The following RORB variants were observed in gnomAD, a reference collection of about 807,000 sequenced individuals.
RORB encodes nuclear receptor ROR-beta.
A neutral mutation model predicts 59.1 loss-of-function variants in RORB; 6 were observed. The observed-to-expected ratio is 0.10, with a 90% CI of 0.06 to 0.20. The LOEUF is 0.20. Among genes scored for constraint, RORB ranks in the 10% least tolerant of loss-of-function variants. The probability of loss-of-function intolerance (pLI) is 1.00; values close to 1 mark genes in which losing one functional copy is unlikely to be tolerated. For synonymous variants in RORB, 215 were observed against 204.5 expected (o/e 1.05, Z -0.44); for missense variants, 320 against 560.5 (o/e 0.57, Z 4.33).
chr9:74,681,469 C>T (rs1244380440), intron 9 of RORB, among the ~76,000 whole-genome samples: 1 of 152,142 alleles, frequency 6.6e-6, no homozygotes, highest in Non-Finnish European at 1.5e-5. Flanking sequence ...AGAGCATGGA[C>T]GCTGGGAGAG....
At chr9:74,654,404 T>TA (rs1356255475) in intron 4 of RORB, among the ~76,000 whole-genome samples, 7 of 151,442 alleles carry the variant, frequency 4.6e-5, no homozygotes, top group Non-Finnish European at 1.5e-5. Context: ...TAGGATTATT[T>TA]AGATACAGTC....
At chr9:74,610,911 G>A (rs1006322436) in intron 1 of RORB, among the ~76,000 whole-genome samples, 2 of 152,150 alleles carry the variant, frequency 1.3e-5, no homozygotes, top group African/African-American at 2.4e-5. Flanking sequence ...CAGTGATGCC[G>A]CTGACTTTGC....
At chr9:74,533,106 C>T (rs1052309645) in intron 1 of RORB, among the ~76,000 whole-genome samples, 7 of 151,846 alleles carry the variant, frequency 4.6e-5, no homozygotes, top group African/African-American at 1.7e-4. Context: ...ACTCATTACA[C>T]CACCTGCTTG....
chr9:74,682,554 C>T (rs192146118), intron 9 of RORB, among the ~76,000 whole-genome samples: 5 of 152,148 alleles, frequency 3.3e-5, no homozygotes, highest in Admixed American at 3.3e-4. Context: ...TGTTCTTTAT[C>T]AATAGACTAA....
chr9:74,665,097 C>T (rs1824244810), intron 6 of RORB, among the ~76,000 whole-genome samples: 1 of 152,092 alleles, frequency 6.6e-6, no homozygotes, highest in South Asian at 2.1e-4. Flanking sequence ...TCAAAACTAG[C>T]TTTAATATTA....
At chr9:74,588,679 C>T (rs1587372502) in intron 1 of RORB, among the ~76,000 whole-genome samples, 1 of 152,128 alleles carries the variant, frequency 6.6e-6, no homozygotes, top group Non-Finnish European at 1.5e-5. Context: ...ATTTCTCATT[C>T]TTTTTGGGCC....
chr9:74,644,139 G>C (rs1160940169), intron 4 of RORB, among the ~76,000 whole-genome samples: 1 of 152,138 alleles, frequency 6.6e-6, no homozygotes, highest in African/African-American at 2.4e-5. Flanking sequence ...GAAATACATG[G>C]CCATATTCTT....
At chr9:74,636,068 T>C (rs1354191607) in intron 3 of RORB, among the ~76,000 whole-genome samples, 1 of 152,088 alleles carries the variant, frequency 6.6e-6, no homozygotes, top group Non-Finnish European at 1.5e-5. Flanking sequence ...TTTTTTTTGT[T>C]TTACTTGTTT....
chr9:74,581,967 T>G (rs901262576), intron 1 of RORB, among the ~76,000 whole-genome samples: 2 of 152,200 alleles, frequency 1.3e-5, no homozygotes, highest in African/African-American at 4.8e-5. Flanking sequence ...TCTATACTCA[T>G]GAAGTGAAAT....
chr9:74,676,376 C>T (rs548135636), intron 9 of RORB, among the ~76,000 whole-genome samples: 49 of 152,190 alleles, frequency 3.2e-4, no homozygotes, highest in Non-Finnish European at 6.8e-4. Flanking sequence ...TCTATAACAA[C>T]ACATATATCC....
At chr9:74,586,600 C>CGT (rs1313500289) in intron 1 of RORB, among the ~76,000 whole-genome samples, 2,796 of 141,198 alleles carry the variant, frequency 0.02, 38 homozygotes, top group African/African-American at 0.036. Flanking sequence ...ATGTAATGTC[C>CGT]GTGTGTGTGT....
chr9:74,594,059 C>T (rs1822938620), intron 1 of RORB, among the ~76,000 whole-genome samples: 1 of 152,176 alleles, frequency 6.6e-6, no homozygotes, highest in Non-Finnish European at 1.5e-5. Context: ...CTTGAAATAG[C>T]AACCACAGTA....
At chr9:74,663,586 C>G (rs1314077023) in intron 6 of RORB, among the ~76,000 whole-genome samples, 1 of 152,212 alleles carries the variant, frequency 6.6e-6, no homozygotes, top group African/African-American at 2.4e-5. Flanking sequence ...ACTAAAACAA[C>G]AAGAATTATT....
chr9:74,531,730 A>C (rs1383138150), intron 1 of RORB, among the ~76,000 whole-genome samples: 3 of 152,050 alleles, frequency 2.0e-5, no homozygotes, highest in African/African-American at 7.2e-5. Context: ...TTTGAAAGAA[A>C]AATAAGTACA....
intron 9 of RORB, among the ~76,000 whole-genome samples, chr9:74,683,518 C>T (rs978585784): frequency 5.9e-5 from 9 of 152,226 alleles, no homozygotes; most frequent in South Asian, 2.1e-4. Context: ...CCATGCACAC[C>T]TCTCTGGCAT....
intron 1 of RORB, among the ~76,000 whole-genome samples, chr9:74,591,276 T>G (rs1822887712): frequency 6.6e-6 from 1 of 152,244 alleles, no homozygotes; most frequent in African/African-American, 2.4e-5. Flanking sequence ...CTTTTAAAAA[T>G]GGCCCCAATC....
intron 1 of RORB, among the ~76,000 whole-genome samples, chr9:74,599,799 C>T (rs1435816028): frequency 6.6e-6 from 1 of 152,138 alleles, no homozygotes; most frequent in Non-Finnish European, 1.5e-5. Flanking sequence ...ACCTGGCCTT[C>T]TTCTGGGGTG....
intron 1 of RORB, among the ~76,000 whole-genome samples, chr9:74,628,215 C>T (rs1413431921): frequency 6.6e-6 from 1 of 151,986 alleles, no homozygotes. Flanking sequence ...AATACTAGCT[C>T]GTGTAATCTA....
chr9:74,591,157 A>T (rs1822885522), intron 1 of RORB, among the ~76,000 whole-genome samples: 1 of 152,240 alleles, frequency 6.6e-6, no homozygotes, highest in South Asian at 2.1e-4. Context: ...GGTAACGATG[A>T]AGATCCCTTC....
Sources: gnomAD v4.1 joint callset for allele counts (sites outside exome capture counted in the v4.1 genomes callset) on GRCh38, gnomAD v4.1.1 for gene constraint, MANE v1.5 for transcripts, NCBI Gene and HGNC (gene_info 2026-07-23, HGNC 2026-07-21) for gene names.